Variants in DCAF13 observed in about 807,000 individuals in gnomAD.
DCAF13 encodes DDB1 and CUL4 associated factor 13, also known as DDB1- and CUL4-associated factor 13.
Under a neutral mutation model 59.0 loss-of-function variants are expected in DCAF13, and 38 were observed. The ratio of observed to expected loss-of-function variants is 0.64; its 90% CI spans 0.50 to 0.84. The LOEUF is 0.84. Ranked by LOEUF, DCAF13 falls within the 40% of genes least tolerant of loss-of-function variation. The probability of loss-of-function intolerance (pLI) is 0.00; values close to 1 mark genes in which losing one functional copy is unlikely to be tolerated. For synonymous variants in DCAF13, 173 were observed against 175.0 expected, an observed-to-expected ratio of 0.99 and a Z score of 0.09; for missense variants, 469 against 558.4, an observed-to-expected ratio of 0.84 and a Z score of 1.61.
chr8:103,437,693 A>G (rs1816950634), intron 8 of DCAF13, among the ~76,000 whole-genome samples: 1 of 152,128 alleles, frequency 6.6e-6, no homozygotes, highest in Non-Finnish European at 1.5e-5. Flanking sequence ...TCCTATCATT[A>G]TAAACATCAA....
intron 5 of DCAF13, 181 bp downstream of exon 5, chr8:103,427,433 C>A: frequency 1.6e-6 from 1 of 612,676 alleles, no homozygotes. Flanking sequence ...TGTTTCCCAG[C>A]AGTTTAGTCC....
At chr8:103,440,335 T>C (rs1816993248) in intron 9 of DCAF13, 64 bp downstream of exon 9, 2 of 1,218,288 alleles carry the variant, frequency 1.6e-6, no homozygotes, top group Non-Finnish European at 2.2e-6. Flanking sequence ...GATATTACAT[T>C]ATGAAAATTT....
intron 8 of DCAF13, among the ~76,000 whole-genome samples, chr8:103,437,052 G>C (rs1488700785): frequency 5.3e-5 from 8 of 152,182 alleles, no homozygotes; most frequent in African/African-American, 1.9e-4. Context: ...GAAGCATACT[G>C]ACAGGAGTGT....
In DCAF13 at chr8:103,417,641, C is replaced by CAA. The variant is rs34702662; in HGVS notation, c.70+2143_70+2144dup. ...TGGGTGACAGAGGGAGACTCCGTCTCAAAAAAAAAAAAAAAAAAAGAACAT... is the reference window on the plus strand; with the variant it reads ...TGGGTGACAGAGGGAGACTCCGTCTCAAAAAAAAAAAAAAAAAAAAAGAACAT... On this transcript the variant is annotated intron_variant, in intron 1 of 10. Transcript: ENST00000612750. Among the ~76,000 whole-genome samples, 443 of 75,890 alleles carry CAA rather than the reference C, an allele frequency of 5.8e-3. 4 individuals carry two copies. The highest frequency in any genetic ancestry group is 0.017 in the African/African-American group (403 of 23,214). 49.8% of individuals were successfully genotyped at this position (75,890 alleles called of 152,430 possible).
chr8:103,428,748 T>C (rs1816825276), intron 5 of DCAF13: 1 of 152,190 alleles, frequency 6.6e-6, no homozygotes, highest in Non-Finnish European at 1.5e-5. Context: ...ACACTGGTTC[T>C]TACTATTTAG....
chr8:103,436,870 C>T (rs893044), intron 8 of DCAF13, among the ~76,000 whole-genome samples: 69,584 of 151,984 alleles, frequency 0.46, 15,998 homozygotes, highest in African/African-American at 0.49. Flanking sequence ...ATTGGATGAT[C>T]ATGGTCATAG....
intron 1 of DCAF13, among the ~76,000 whole-genome samples, chr8:103,419,964 G>A (rs1816699373): frequency 6.6e-6 from 1 of 150,434 alleles, no homozygotes; most frequent in Non-Finnish European, 1.5e-5. Context: ...AGCCGAGATT[G>A]CGCCACTGCA....
chr8:103,425,206 A>T (rs554098469), intron 3 of DCAF13, among the ~76,000 whole-genome samples: 20 of 152,350 alleles, frequency 1.3e-4, no homozygotes, highest in Non-Finnish European at 2.8e-4. Context: ...ATTTTAAGTT[A>T]AAACTAGCAG....
At chr8:103,415,622 C>A in intron 1 of DCAF13, 106 bp downstream of exon 1, 1 of 1,130,254 alleles carries the variant, frequency 8.8e-7, no homozygotes, top group South Asian at 1.6e-5. Context: ...TGGTCTGGTT[C>A]TTTCTCAGTT....
chr8:103,432,867 T>C (rs955174442), intron 7 of DCAF13, 126 bp downstream of exon 7: 3 of 538,816 alleles, frequency 5.6e-6, no homozygotes, highest in South Asian at 3.1e-5. Context: ...GTCATCTGTT[T>C]AGCTTTAAAA....
At chr8:103,436,956 A>C (rs1219111531) in intron 8 of DCAF13, among the ~76,000 whole-genome samples, 1 of 152,168 alleles carries the variant, frequency 6.6e-6, no homozygotes, top group African/African-American at 2.4e-5. Context: ...TGAGGAAGCC[A>C]TATGGATTTC....
chr8:103,437,788 AAAAT>A (rs1050065707), intron 8 of DCAF13, among the ~76,000 whole-genome samples: 2 of 152,212 alleles, frequency 1.3e-5, no homozygotes, highest in African/African-American at 4.8e-5. Context: ...TATTATTTTT[AAAAT>A]AAATTTTGAG....
At chr8:103,440,436 G>A in intron 9 of DCAF13, 165 bp downstream of exon 9, 1 of 545,954 alleles carries the variant, frequency 1.8e-6, no homozygotes, top group South Asian at 3.1e-5. Context: ...ATAATTATTT[G>A]CTTCATTCTG....
intron 6 of DCAF13, 65 bp downstream of exon 6, chr8:103,430,754 G>A: frequency 8.6e-7 from 1 of 1,158,534 alleles, no homozygotes; most frequent in Non-Finnish European, 1.2e-6. Flanking sequence ...TAAATAGAGT[G>A]ACTAACAATA....
chr8:103,423,506 T>G (rs3134258), intron 3 of DCAF13, among the ~76,000 whole-genome samples: 33,574 of 151,932 alleles, frequency 0.22, 3,819 homozygotes, highest in East Asian at 0.34. Context: ...CTCTTAGAAA[T>G]GGAGTAAAAT....
chr8:103,420,681 C>T (rs1816710543), intron 2 of DCAF13: 2 of 586,818 alleles, frequency 3.4e-6, no homozygotes, highest in Non-Finnish European at 5.9e-6. Flanking sequence ...ATTAAATAAT[C>T]ATGTTTATAA....
intron 1 of DCAF13, among the ~76,000 whole-genome samples, chr8:103,418,937 G>A (rs1353415915): frequency 4.6e-5 from 6 of 129,162 alleles, no homozygotes; most frequent in Non-Finnish European, 9.5e-5. Context: ...AGGCTGGAGT[G>A]CAGTGGCGCG....
At chr8:103,421,891 C>T (rs1318436603) in intron 3 of DCAF13, among the ~76,000 whole-genome samples, 1 of 152,120 alleles carries the variant, frequency 6.6e-6, no homozygotes, top group African/African-American at 2.4e-5. Flanking sequence ...TTTGTTTCCA[C>T]CTTTTGGCTA....
chr8:103,425,963 T>C, intron 3 of DCAF13, 93 bp from the exon 4 acceptor site: 1 of 848,614 alleles, frequency 1.2e-6, no homozygotes, highest in Non-Finnish European at 2.0e-6. Flanking sequence ...ATGTTACCTG[T>C]TTTAAACAAG....
Sources: allele counts gnomAD v4.1 joint callset (sites outside exome capture counted in the v4.1 genomes callset), GRCh38; gene constraint gnomAD v4.1.1; transcripts MANE v1.5; gene names NCBI Gene and HGNC (gene_info 2026-07-23, HGNC 2026-07-21).